AIG1: variants seen among roughly 807,000 people sequenced by gnomAD.
AIG1 encodes the protein androgen induced 1.
AIG1 carries 23 observed loss-of-function variants against 31.4 expected under a neutral mutation model. That is an observed-to-expected ratio of 0.73 (90% CI 0.53 to 1.04). AIG1 has a LOEUF of 1.04. Among genes scored for constraint, AIG1 ranks in the 50% least tolerant of loss-of-function variants. The pLI, the probability that AIG1 is intolerant of heterozygous loss-of-function variation, is 0.00. For missense variants in AIG1, 274 were observed against 295.0 expected, an observed-to-expected ratio of 0.93 and a Z score of 0.52; for synonymous variants, 100 against 110.5, an observed-to-expected ratio of 0.90 and a Z score of 0.60.
rs147286229 is a variant in AIG1, at chr6:143,155,174, C to T, written c.298-9908C>T. ...CAAAATAGTTTAAAAATATAAGGCA[C>T]GAAAAGAGATGTGACAGTGTAACAG... On this transcript the variant is annotated intron_variant, in intron 2 of 5. Coordinates refer to ENST00000357847, the MANE Select transcript of AIG1 (RefSeq NM_016108.4). Among the ~76,000 whole-genome samples, 636 of 152,060 alleles carry T rather than the reference C, an allele frequency of 4.2e-3. 10 individuals carry two copies. The East Asian group carries it at 0.051, about 12-fold the overall frequency.
intron 2 of AIG1, among the ~76,000 whole-genome samples, chr6:143,156,677 C>A (rs567679082): frequency 2.0e-5 from 3 of 152,268 alleles, no homozygotes; most frequent in African/African-American, 7.2e-5. Flanking sequence ...TTGGGAGGTT[C>A]CCCTGTTAGG....
chr6:143,196,351 A>ACACG (rs1491277086), intron 3 of AIG1, among the ~76,000 whole-genome samples: 3 of 5,472 alleles, frequency 5.5e-4, no homozygotes, highest in Admixed American at 4.2e-3. Context: ...AACAAAAGCA[A>ACACG]CACACACACA....
intron 3 of AIG1, among the ~76,000 whole-genome samples, chr6:143,254,854 T>G (rs182189733): frequency 3.9e-5 from 6 of 152,144 alleles, no homozygotes; most frequent in African/African-American, 1.4e-4. Context: ...TCTCTACAAA[T>G]AATAATAGTA....
chr6:143,273,103 T>C (rs1796651893), intron 3 of AIG1, among the ~76,000 whole-genome samples: 1 of 152,186 alleles, frequency 6.6e-6, no homozygotes, highest in African/African-American at 2.4e-5. Context: ...CACTCCAGTC[T>C]GGGCGACAGA....
intron 4 of AIG1, among the ~76,000 whole-genome samples, chr6:143,311,414 T>G (rs1338278764): frequency 6.6e-6 from 1 of 151,814 alleles, no homozygotes; most frequent in Non-Finnish European, 1.5e-5. Flanking sequence ...TATGTACAAA[T>G]ATTGTGTATC....
At chr6:143,336,834 A>T (rs933024803) in intron 5 of AIG1, among the ~76,000 whole-genome samples, 5 of 152,204 alleles carry the variant, frequency 3.3e-5, no homozygotes, top group African/African-American at 1.2e-4. Context: ...AACCTGGGAA[A>T]CCAGACAAAA....
intron 3 of AIG1, among the ~76,000 whole-genome samples, chr6:143,209,456 G>A (rs1043697846): frequency 3.9e-5 from 6 of 152,156 alleles, no homozygotes; most frequent in East Asian, 1.9e-4. Flanking sequence ...TTGTAATCAC[G>A]AGGGTCCTTT....
chr6:143,308,096 A>C (rs1394779710), intron 4 of AIG1, among the ~76,000 whole-genome samples: 1 of 152,098 alleles, frequency 6.6e-6, no homozygotes, highest in Non-Finnish European at 1.5e-5. Flanking sequence ...CCGATTTTCC[A>C]GGTGCCGTCT....
At chr6:143,270,171 C>T (rs1796414071) in intron 3 of AIG1, among the ~76,000 whole-genome samples, 1 of 152,180 alleles carries the variant, frequency 6.6e-6, no homozygotes, top group Non-Finnish European at 1.5e-5. Flanking sequence ...CTCAAAGTTA[C>T]ATAGCCAGCT....
rs1246721209 is a variant in AIG1 at position 143,268,248 on chromosome 6, G to A, written c.400-15862G>A. 1.3e-5 allele frequency among the ~76,000 whole-genome samples: 2 copies of A among 152,124 alleles called. No individual in the cohort carries two copies. The highest frequency in any genetic ancestry group is 4.8e-5 in the African/African-American group (2 of 41,410). ...GTGTGATCTACATGTGGAGCTCAGAGCATGTTTCTTCCTCCAGCCCCCTTC... is the reference window on the plus strand; with the variant it reads ...GTGTGATCTACATGTGGAGCTCAGAACATGTTTCTTCCTCCAGCCCCCTTC... On this transcript the variant is annotated intron_variant, in intron 3 of 5. Coordinates refer to ENST00000357847, the MANE Select transcript of AIG1 (RefSeq NM_016108.4). The surrounding 1 kb of genome is among the most constrained non-coding windows in gnomAD (Gnocchi z 5.0).
chr6:143,060,991 T>TA lies in AIG1; in HGVS notation c.68dup (p.Asn23LysfsTer24). On this transcript the variant is annotated frameshift_variant, in exon 1 of 6. Transcript: ENST00000357847. LOFTEE classifies it high-confidence loss of function. Reference sequence around the variant, plus strand: ...TGCTGTCTTACTGCTCTATCCTGTGTAACTACAAGGCCATCGAAATGCCCT... The same window carrying TA: ...TGCTGTCTTACTGCTCTATCCTGTGTAAACTACAAGGCCATCGAAATGCCCT... The TA allele has an allele frequency of 6.2e-7, 1 of 1,613,370 alleles. No homozygotes were observed.
intron 1 of AIG1, among the ~76,000 whole-genome samples, chr6:143,067,198 A>G (rs528856433): frequency 2.0e-5 from 3 of 152,272 alleles, no homozygotes; most frequent in African/African-American, 4.8e-5. Context: ...ATTGGTTAGC[A>G]TAGTAGATAA....
chr6:143,313,229 A>G (rs1379888848), intron 4 of AIG1, among the ~76,000 whole-genome samples: 1 of 152,106 alleles, frequency 6.6e-6, no homozygotes, highest in Non-Finnish European at 1.5e-5. Context: ...GGAAATTAGT[A>G]TATTGAAGAG....
intron 3 of AIG1, among the ~76,000 whole-genome samples, chr6:143,266,832 G>T (rs529386707): frequency 6.6e-6 from 1 of 152,134 alleles, no homozygotes; most frequent in African/African-American, 2.4e-5. Flanking sequence ...TTAGCCCTAC[G>T]CAGGAGGCTG....
chr6:143,327,797 AG>A lies in AIG1; in HGVS notation c.516-5484del, dbSNP rs1776735667. 1 of 172,798 alleles carries A rather than the reference AG, an allele frequency of 5.8e-6. No homozygotes were observed. Among genetic ancestry groups the A allele is most frequent in the African/African-American group, 2.4e-5 (1 of 41,626 alleles). The allele number at this position is 172,798 out of a possible 1,614,324, so 10.7% of individuals were successfully genotyped here. ...TGAGTTACAAAACTGAATGAATGAT[AG>A]TACTATTTGCAGAAATAAGAAATAC... On this transcript the variant is annotated intron_variant, in intron 4 of 5. Coordinates refer to ENST00000357847, the MANE Select transcript of AIG1 (RefSeq NM_016108.4). This position sits in a 1 kb window ranked among gnomAD's most constrained non-coding sequence, Gnocchi z 5.3.
chr6:143,335,065 T>C, intron 5 of AIG1: 1 of 1,443,160 alleles, frequency 6.9e-7, no homozygotes, highest in Non-Finnish European at 9.1e-7. Flanking sequence ...GAAAATTAAG[T>C]TTATGTACCT....
Position 143,119,212 on chromosome 6 carries a change from G to A in AIG1, c.142-17623G>A, listed in dbSNP as rs117170183. On this transcript the variant is annotated intron_variant, in intron 1 of 5. Coordinates refer to ENST00000357847, the MANE Select transcript of AIG1 (RefSeq NM_016108.4). ...TTTCTCAGATCATGTCTGGGAGCAC[G>A]CTGGCTATGTGGGGATTGTAGATTT... Among the ~76,000 whole-genome samples, 490 of 152,282 alleles carry A rather than the reference G, an allele frequency of 3.2e-3. 10 individuals are homozygous for A. Among genetic ancestry groups the A allele is most frequent in the East Asian group, 0.017 (87 of 5,188 alleles).
At chr6:143,224,385 A>T (rs1403400753) in intron 3 of AIG1, among the ~76,000 whole-genome samples, 6 of 152,184 alleles carry the variant, frequency 3.9e-5, no homozygotes, top group Non-Finnish European at 2.9e-5. Flanking sequence ...GTTTGGAACT[A>T]TGTGGGTCTG....
intron 1 of AIG1, among the ~76,000 whole-genome samples, chr6:143,084,395 G>A (rs1443570389): frequency 6.6e-6 from 1 of 152,134 alleles, no homozygotes; most frequent in Non-Finnish European, 1.5e-5. Flanking sequence ...GCCCTATTAG[G>A]CATTTGATTT....
Sources: allele counts gnomAD v4.1 joint callset (sites outside exome capture counted in the v4.1 genomes callset), GRCh38; gene constraint gnomAD v4.1.1; non-coding constraint Gnocchi (gnomAD v3.1); transcripts MANE v1.5; gene names NCBI Gene and HGNC (gene_info 2026-07-23, HGNC 2026-07-21).